Variants in C11orf65 observed in about 807,000 individuals in gnomAD.
The protein encoded by C11orf65 is protein MFI.
In C11orf65, 38 loss-of-function variants were observed where a neutral mutation model predicts 35.3. The observed-to-expected ratio is 1.08, with a 90% CI of 0.83 to 1.41. The LOEUF (loss-of-function observed/expected upper bound fraction) is 1.41, where lower values mean the gene tolerates loss of function less well. Among genes scored for constraint, C11orf65 ranks in the 40% most tolerant of loss-of-function variants. The pLI is 0.00. For missense variants in C11orf65, 370 were observed against 367.1 expected (o/e 1.01, Z -0.06); for synonymous variants, 105 against 114.4 (o/e 0.92, Z 0.53).
downstream of C11orf65, among the ~76,000 whole-genome samples, chr11:108,380,317 G>A (rs2091843340): frequency 1.3e-5 from 2 of 152,230 alleles, no homozygotes; most frequent in African/African-American, 4.8e-5. Context: ...GAGAGAAGTA[G>A]CCTTAAGTAG....
chr11:108,365,814 C>T, intron 2 of C11orf65: 1 of 370,380 alleles, frequency 2.7e-6, no homozygotes, highest in Non-Finnish European at 5.1e-6. Context: ...GAGTTCGAGA[C>T]CAGCCTGGCC....
chr11:108,336,331 T>A (rs2086850175), intron 2 of C11orf65: 2 of 185,918 alleles, frequency 1.1e-5, no homozygotes, highest in Admixed American at 5.5e-5. Context: ...AAGAAGAAGA[T>A]GCCATTATTT....
At chr11:108,373,679 C>G (rs2091634297) in intron 2 of C11orf65, among the ~76,000 whole-genome samples, 1 of 152,208 alleles carries the variant, frequency 6.6e-6, no homozygotes, top group Admixed American at 6.5e-5. Flanking sequence ...AGGTGCAGGA[C>G]AGTGGGTGCA....
At chr11:108,413,783 A>T (rs1323560592) in intron 3 of C11orf65, among the ~76,000 whole-genome samples, 2 of 152,120 alleles carry the variant, frequency 1.3e-5, no homozygotes, top group Admixed American at 1.3e-4. Flanking sequence ...AAAACCCCAA[A>T]ACTTGAAAAT....
intron 6 of C11orf65, among the ~76,000 whole-genome samples, chr11:108,400,659 T>C (rs1181830385): frequency 6.6e-6 from 1 of 152,190 alleles, no homozygotes; most frequent in Non-Finnish European, 1.5e-5. Flanking sequence ...AAGCCACATC[T>C]GGAAGCCTCG....
chr11:108,373,210 A>G (rs1166406518), intron 2 of C11orf65, among the ~76,000 whole-genome samples: 1 of 152,258 alleles, frequency 6.6e-6, no homozygotes, highest in Admixed American at 6.5e-5. Flanking sequence ...ACCAAATGGC[A>G]TTATTCCAGA....
chr11:108,381,900 G>A (rs1055572480), downstream of C11orf65, among the ~76,000 whole-genome samples: 2 of 151,802 alleles, frequency 1.3e-5, no homozygotes, highest in African/African-American at 2.4e-5. Context: ...TGGCCTCTCA[G>A]ACTAGTTCTT....
At chr11:108,320,829 G>T (rs1430943806) in intron 6 of C11orf65, among the ~76,000 whole-genome samples, 7 of 152,134 alleles carry the variant, frequency 4.6e-5, no homozygotes, top group Admixed American at 2.6e-4. Flanking sequence ...ATAGCTTACT[G>T]TTAACCAGAA....
At chr11:108,427,940 C>T (rs2092930548) in intron 3 of C11orf65, among the ~76,000 whole-genome samples, 1 of 133,514 alleles carries the variant, frequency 7.5e-6, no homozygotes, top group Non-Finnish European at 1.6e-5. Flanking sequence ...ACGCCATTCT[C>T]CTGCCTCAGC....
At chr11:108,431,248 CA>C (rs1311552144) in intron 3 of C11orf65, among the ~76,000 whole-genome samples, 1 of 148,204 alleles carries the variant, frequency 6.7e-6, no homozygotes, top group Non-Finnish European at 1.5e-5. Context: ...AAAATAGCCC[CA>C]AACTAGAAAA....
chr11:108,405,311 G>C (rs1462324864), intron 6 of C11orf65, 118 bp downstream of exon 6: 1 of 1,002,830 alleles, frequency 1.0e-6, no homozygotes, highest in African/African-American at 1.6e-5. Flanking sequence ...TTTGGGTCAG[G>C]GTCTGCGGGC....
At chr11:108,379,280 T>C (rs1323699104), downstream of C11orf65, among the ~76,000 whole-genome samples, 1 of 152,152 alleles carries the variant, frequency 6.6e-6, no homozygotes, top group African/African-American at 2.4e-5. Context: ...ATATATACCA[T>C]GGAATACTAT....
chr11:108,413,197 T>G (rs2092684940), intron 3 of C11orf65, among the ~76,000 whole-genome samples: 2 of 152,242 alleles, frequency 1.3e-5, no homozygotes, highest in South Asian at 4.1e-4. Context: ...TACACTTTTT[T>G]ATTTGTACAA....
chr11:108,379,739 A>G (rs2091825245), downstream of C11orf65, among the ~76,000 whole-genome samples: 1 of 152,070 alleles, frequency 6.6e-6, no homozygotes. Context: ...GACAAATAAC[A>G]TTAGACTGTA....
At chr11:108,402,933 T>C (rs1214893629) in intron 6 of C11orf65, among the ~76,000 whole-genome samples, 3 of 152,230 alleles carry the variant, frequency 2.0e-5, no homozygotes, top group Non-Finnish European at 4.4e-5. Flanking sequence ...TACTGCTGCG[T>C]AGTATTCCTT....
At chr11:108,312,612 A>T (rs1488324776) in intron 6 of C11orf65, 1 of 757,284 alleles carries the variant, frequency 1.3e-6, no homozygotes, top group African/African-American at 1.8e-5. Context: ...TACTTACTGG[A>T]CTAAGCATCA....
chr11:108,433,195 G>A (rs965577194), intron 2 of C11orf65, among the ~76,000 whole-genome samples: 2 of 151,614 alleles, frequency 1.3e-5, no homozygotes, highest in African/African-American at 2.4e-5. Flanking sequence ...AATGGCTCAC[G>A]CCTGTAATCC....
chr11:108,459,343 T>C (rs1416608749), intron 2 of C11orf65, among the ~76,000 whole-genome samples: 2 of 152,188 alleles, frequency 1.3e-5, no homozygotes, highest in Admixed American at 1.3e-4. Flanking sequence ...TGACTAGCAG[T>C]AAACATCCAC....
At chr11:108,334,178 G>GT (rs1417850266) in intron 3 of C11orf65, among the ~76,000 whole-genome samples, 1 of 151,378 alleles carries the variant, frequency 6.6e-6, no homozygotes, top group African/African-American at 2.4e-5. Context: ...ATTGCCTTCT[G>GT]TTCTACACCT....
Sources: allele counts gnomAD v4.1 joint callset (sites outside exome capture counted in the v4.1 genomes callset), GRCh38; gene constraint gnomAD v4.1.1; transcripts MANE v1.5; gene names NCBI Gene and HGNC (gene_info 2026-07-23, HGNC 2026-07-21).